The following CUL2 variants were observed in gnomAD, a reference collection of about 807,000 sequenced individuals.
The protein encoded by CUL2 is cullin-2.
In CUL2, 22 loss-of-function variants were observed where a neutral mutation model predicts 110.2. That is an observed-to-expected ratio of 0.20 (90% confidence interval 0.14 to 0.28). CUL2 has a LOEUF of 0.28. Ranked by LOEUF, CUL2 falls within the 10% of genes least tolerant of loss-of-function variation. The probability of loss-of-function intolerance (pLI) is 1.00; values close to 1 mark genes in which losing one functional copy is unlikely to be tolerated. For synonymous variants in CUL2, 279 were observed against 293.2 expected (o/e 0.95, Z 0.49); for missense variants, 631 against 905.5 (o/e 0.70, Z 3.89).
At chr10:35,106,152 C>T (rs1245783961) in intron 1 of CUL2, among the ~76,000 whole-genome samples, 3 of 152,084 alleles carry the variant, frequency 2.0e-5, no homozygotes, top group Non-Finnish European at 4.4e-5. Flanking sequence ...GGGATTAGTG[C>T]CTTTACAAAA....
chr10:35,032,635 A>G, intron 11 of CUL2, 141 bp from the exon 12 acceptor site: 1 of 565,032 alleles, frequency 1.8e-6, no homozygotes, highest in Non-Finnish European at 3.1e-6. Flanking sequence ...TAATATTTTC[A>G]TGCCTAACAT....
intron 4 of CUL2, among the ~76,000 whole-genome samples, chr10:35,057,453 C>G (rs978927598): frequency 6.6e-6 from 1 of 151,296 alleles, no homozygotes; most frequent in Admixed American, 6.6e-5. Context: ...GGTCAGGAGA[C>G]CAGTCTGGCC....
chr10:35,107,262 C>T (rs1379513872), intron 1 of CUL2, among the ~76,000 whole-genome samples: 1 of 151,806 alleles, frequency 6.6e-6, no homozygotes, highest in African/African-American at 2.4e-5. Flanking sequence ...GCATGAGCCA[C>T]CGCGCCCAGC....
chr10:35,044,051 CAAAAA>C (rs534515519), intron 8 of CUL2, among the ~76,000 whole-genome samples: 1 of 87,792 alleles, frequency 1.1e-5, no homozygotes, highest in Non-Finnish European at 2.2e-5. Context: ...ACCACATCTC[CAAAAA>C]AAAAAAAAAA....
chr10:35,079,053 T>C (rs2086886716), intron 1 of CUL2, among the ~76,000 whole-genome samples: 1 of 152,202 alleles, frequency 6.6e-6, no homozygotes, highest in Admixed American at 6.5e-5. Flanking sequence ...TCCAAGGGGA[T>C]ACGTTTCAAG....
chr10:35,095,492 T>A (rs2087283245), upstream of CUL2, among the ~76,000 whole-genome samples: 1 of 152,202 alleles, frequency 6.6e-6, no homozygotes, highest in Non-Finnish European at 1.5e-5. Flanking sequence ...TATGCTATTT[T>A]GTAGTCAGCT....
chr10:35,048,313 G>A (rs928969856), intron 6 of CUL2, among the ~76,000 whole-genome samples: 6 of 152,086 alleles, frequency 3.9e-5, no homozygotes, highest in African/African-American at 1.4e-4. Context: ...AATAAGACAA[G>A]CAGACCAGAT....
At chr10:35,100,882 A>G (rs1221205896) in exon 2 of CUL2, 3 of 152,014 alleles carry the variant, frequency 2.0e-5, no homozygotes, top group African/African-American at 2.4e-5. Flanking sequence ...GATACAGAAG[A>G]GTTCCATTCT....
At chr10:35,036,932 G>A (rs1356674841) in intron 9 of CUL2, among the ~76,000 whole-genome samples, 5 of 152,084 alleles carry the variant, frequency 3.3e-5, no homozygotes, top group Non-Finnish European at 7.4e-5. Flanking sequence ...ATGGGATACT[G>A]TCATGTTGCC....
chr10:35,050,021 T>G (rs1339444164), intron 5 of CUL2, among the ~76,000 whole-genome samples: 1 of 152,186 alleles, frequency 6.6e-6, no homozygotes, highest in African/African-American at 2.4e-5. Flanking sequence ...AATAATTGAT[T>G]ATTATAAAAC....
At chr10:35,078,274 A>G (rs898291688) in intron 1 of CUL2, among the ~76,000 whole-genome samples, 2 of 151,520 alleles carry the variant, frequency 1.3e-5, no homozygotes, top group African/African-American at 4.9e-5. Flanking sequence ...AAAAATATAT[A>G]TGTTTGTTAA....
chr10:35,093,128 C>G (rs959488354), upstream of CUL2, among the ~76,000 whole-genome samples: 1 of 152,080 alleles, frequency 6.6e-6, no homozygotes, highest in Non-Finnish European at 1.5e-5. Context: ...CCCTATGATT[C>G]CATCCCCAAC....
chr10:35,080,788 T>G (rs534530773), intron 1 of CUL2, among the ~76,000 whole-genome samples: 117 of 152,024 alleles, frequency 7.7e-4, no homozygotes, highest in African/African-American at 2.7e-3. Context: ...CAAAAACAAA[T>G]GAGTTGGGGA....
intron 5 of CUL2, among the ~76,000 whole-genome samples, chr10:35,050,567 A>G (rs2086077359): frequency 6.6e-6 from 1 of 152,198 alleles, no homozygotes; most frequent in South Asian, 2.1e-4. Context: ...CTTCATCATT[A>G]CCATTGTCCC....
At chr10:35,060,851 C>G (rs778459196) in intron 4 of CUL2, 23 bp downstream of exon 4, 2 of 1,585,794 alleles carry the variant, frequency 1.3e-6, no homozygotes, top group African/African-American at 2.7e-5. Context: ...CTTAGCTTGT[C>G]TAGATTTTAA....
At chr10:35,075,592 T>C (rs1379322845) in intron 1 of CUL2, among the ~76,000 whole-genome samples, 1 of 151,018 alleles carries the variant, frequency 6.6e-6, no homozygotes, top group Non-Finnish European at 1.5e-5. Context: ...AATGGGGTTT[T>C]AGACACACAG....
rs115271125 is a variant in CUL2, at chr10:35,062,956, T to C, written c.222+4A>G. 8.4e-4 allele frequency: 1,265 copies of C among 1,498,552 alleles called. 10 individuals are homozygous for C. In the African/African-American group the frequency reaches 0.015, roughly 18 times the overall value. The allele number at this position is 1,498,552 out of a possible 1,614,324, so 92.8% of individuals were successfully genotyped here. A position where few individuals can be genotyped will look rare whatever the true frequency, so the allele number is the denominator to read the frequency against. On this transcript the variant is annotated splice_donor_region_variant and intron_variant, in intron 3 of 20. Coordinates refer to ENST00000374749, the MANE Select transcript of CUL2 (RefSeq NM_003591.4). ...ATTTATATCACGTATGTATCATTGC[T>C]TACCTTATGCAAATGCCGAACATGA...
At chr10:35,117,472 C>G (rs1434391816) in intron 1 of CUL2, among the ~76,000 whole-genome samples, 1 of 151,550 alleles carries the variant, frequency 6.6e-6, no homozygotes, top group Non-Finnish European at 1.5e-5. Context: ...TCAAGCAATT[C>G]TCCTGCCTCA....
intron 15 of CUL2, among the ~76,000 whole-genome samples, chr10:35,029,153 G>T (rs1038154033): frequency 2.0e-5 from 3 of 152,028 alleles, no homozygotes; most frequent in African/African-American, 7.2e-5. Flanking sequence ...CGCCTCTGGG[G>T]TTCAAGCAAT....
Sources: allele counts gnomAD v4.1 joint callset (sites outside exome capture counted in the v4.1 genomes callset), GRCh38; gene constraint gnomAD v4.1.1; transcripts MANE v1.5; gene names NCBI Gene and HGNC (gene_info 2026-07-23, HGNC 2026-07-21).